The following GSE1 variants were observed in gnomAD, a reference collection of about 807,000 sequenced individuals.
GSE1 encodes Gse1 coiled-coil protein, also known as genetic suppressor element 1.
GSE1 carries 32 observed loss-of-function variants against 112.6 expected under a neutral mutation model. The observed-to-expected ratio is 0.28, with a 90% CI of 0.21 to 0.38. The LOEUF (loss-of-function observed/expected upper bound fraction) is 0.38. Among genes scored for constraint, GSE1 ranks in the 10% least tolerant of loss-of-function variants. The pLI is 1.00. For missense variants in GSE1, 2,348 were observed against 1,699.2 expected (o/e 1.38, Z -6.71); for synonymous variants, 1,115 against 735.6 (o/e 1.52, Z -8.35).
chr16:85,640,194 G>A (rs895358580), intron 2 of GSE1, among the ~76,000 whole-genome samples: 8 of 152,210 alleles, frequency 5.3e-5, no homozygotes, highest in South Asian at 2.1e-4. Flanking sequence ...TTCCCACCCC[G>A]CCTCCTTGTC....
At chr16:85,340,364 G>T (rs2046597930) in intron 1 of GSE1, among the ~76,000 whole-genome samples, 1 of 152,088 alleles carries the variant, frequency 6.6e-6, no homozygotes, top group Non-Finnish European at 1.5e-5. Flanking sequence ...ACAAAGGCGG[G>T]TATGGTGGCT....
intron 1 of GSE1, among the ~76,000 whole-genome samples, chr16:85,563,796 C>G (rs1359195073): frequency 6.6e-6 from 1 of 152,244 alleles, no homozygotes; most frequent in Non-Finnish European, 1.5e-5. Context: ...CGGGCTGTCC[C>G]TCCCTTCTCT....
chr16:85,380,267 T>G (rs569170640), intron 2 of GSE1, among the ~76,000 whole-genome samples: 40 of 152,274 alleles, frequency 2.6e-4, no homozygotes, highest in Non-Finnish European at 4.9e-4. Context: ...GGCTGTGACT[T>G]GAAAGATTCC....
At chr16:85,366,395 C>T (rs2047186302) in intron 2 of GSE1, among the ~76,000 whole-genome samples, 1 of 152,270 alleles carries the variant, frequency 6.6e-6, no homozygotes, top group Non-Finnish European at 1.5e-5. Flanking sequence ...TCATACGTTT[C>T]CAGCTGAGCT....
intron 2 of GSE1, among the ~76,000 whole-genome samples, chr16:85,523,572 G>A (rs1371135598): frequency 1.3e-5 from 2 of 152,160 alleles, no homozygotes; most frequent in East Asian, 1.9e-4. Context: ...CCTGGGAGCC[G>A]CCTCCCACTC....
Position 85,250,235 on chromosome 16 carries a change from G to A in GSE1, c.2283+78428G>A, listed in dbSNP as rs545673378. Reference sequence around the variant, plus strand: ...GGCCAAGTGGCCTTTCTTTCAGAATGGGCTTGGACTTTTCCAGGGAGGCCT... The same window carrying A: ...GGCCAAGTGGCCTTTCTTTCAGAATAGGCTTGGACTTTTCCAGGGAGGCCT... On this transcript the variant is annotated intron_variant, in intron 1 of 2. Transcript: ENST00000637419. 7.8e-4 allele frequency among the ~76,000 whole-genome samples: 119 copies of A among 152,334 alleles called. 2 individuals are homozygous for A. The highest frequency in any genetic ancestry group is 8.2e-4 in the Non-Finnish European group (56 of 68,036).
intron 1 of GSE1, among the ~76,000 whole-genome samples, chr16:85,627,714 C>T (rs145058113): frequency 2.6e-5 from 4 of 152,276 alleles, no homozygotes; most frequent in Non-Finnish European, 4.4e-5. Context: ...GGCCTTCACA[C>T]GGTGGAGCGT....
At chr16:85,276,276 A>T (rs1017854079) in intron 1 of GSE1, among the ~76,000 whole-genome samples, 1 of 152,186 alleles carries the variant, frequency 6.6e-6, no homozygotes, top group Non-Finnish European at 1.5e-5. Flanking sequence ...CCTGACTTGA[A>T]TCTCCCCGCT....
At chr16:85,543,825 T>C (rs1403126813) in intron 2 of GSE1, among the ~76,000 whole-genome samples, 1 of 148,262 alleles carries the variant, frequency 6.7e-6, no homozygotes, top group Admixed American at 6.6e-5. Context: ...TGGGGGACAG[T>C]TGGCCGTATC....
intron 2 of GSE1, among the ~76,000 whole-genome samples, chr16:85,445,279 C>G (rs1285933519): frequency 6.6e-6 from 1 of 152,270 alleles, no homozygotes; most frequent in African/African-American, 2.4e-5. Context: ...GTGGCCGCCA[C>G]TGCTGCTAGC....
chr16:85,262,059 C>G (rs892248736), intron 1 of GSE1, among the ~76,000 whole-genome samples: 1 of 152,172 alleles, frequency 6.6e-6, no homozygotes, highest in Admixed American at 6.5e-5. Context: ...AAGGACAGAG[C>G]CTGTTTTGAA....
intron 1 of GSE1, among the ~76,000 whole-genome samples, chr16:85,264,711 C>T (rs1217866329): frequency 6.6e-6 from 1 of 152,176 alleles, no homozygotes; most frequent in South Asian, 2.1e-4. Context: ...CTCGACTTCC[C>T]AGCTGCTGGT....
intron 2 of GSE1, among the ~76,000 whole-genome samples, chr16:85,488,905 C>CG (rs2050924271): frequency 6.6e-6 from 1 of 152,014 alleles, no homozygotes; most frequent in African/African-American, 2.4e-5. Context: ...AACAGCCCCC[C>CG]GGGGGTCAGA....
At chr16:85,413,503 G>A (rs1302746461) in intron 2 of GSE1, among the ~76,000 whole-genome samples, 1 of 152,030 alleles carries the variant, frequency 6.6e-6, no homozygotes, top group Non-Finnish European at 1.5e-5. Flanking sequence ...GGCGGCAAGG[G>A]CTGAGGGTGG....
At chr16:85,434,345 A>AATAATCATCATC (rs60129328) in intron 2 of GSE1, among the ~76,000 whole-genome samples, 1 of 143,460 alleles carries the variant, frequency 7.0e-6, no homozygotes, top group African/African-American at 2.5e-5. Context: ...TAATAATAAT[A>AATAATCATCATC]ATCAGTGCCG....
At chr16:85,273,702 T>G (rs1909077714) in intron 1 of GSE1, among the ~76,000 whole-genome samples, 1 of 151,976 alleles carries the variant, frequency 6.6e-6, no homozygotes, top group African/African-American at 2.4e-5. Context: ...TTTTTGGTTT[T>G]TTTTGAGATG....
intron 2 of GSE1, among the ~76,000 whole-genome samples, chr16:85,487,917 C>T (rs2050893383): frequency 6.6e-6 from 1 of 152,230 alleles, no homozygotes; most frequent in Non-Finnish European, 1.5e-5. Flanking sequence ...GTGACCCACC[C>T]ATCACTGATG....
Position 85,513,671 on chromosome 16 carries a change from C to T in GSE1, c.2465-120243C>T, listed in dbSNP as rs146691146. 6.4e-3 allele frequency among the ~76,000 whole-genome samples: 981 copies of T among 152,278 alleles called. 13 individuals carry two copies. Among genetic ancestry groups the T allele is most frequent in the African/African-American group, 0.023 (936 of 41,566 alleles). ...CTCCTCCAGGAAGCAGAAGGAATCC[C>T]GCCTGAATCTCCACAGCTCTCCTGG... is the stretch of plus-strand genomic sequence containing the variant. On this transcript the variant is annotated intron_variant, in intron 2 of 2. Transcript: ENST00000637419.
intron 3 of GSE1, among the ~76,000 whole-genome samples, chr16:85,651,338 C>T (rs958323426): frequency 2.6e-5 from 4 of 151,980 alleles, no homozygotes; most frequent in Non-Finnish European, 4.4e-5. Context: ...TGGCCGGGCG[C>T]CAGCCAGACG....
Sources: allele counts gnomAD v4.1 joint callset (sites outside exome capture counted in the v4.1 genomes callset), GRCh38; gene constraint gnomAD v4.1.1; transcripts MANE v1.5; gene names NCBI Gene and HGNC (gene_info 2026-07-23, HGNC 2026-07-21).